The following ZNF875 variants were observed in gnomAD, a reference collection of about 807,000 sequenced individuals.
ZNF875 encodes HKR1, GLI-Kruppel zinc finger family member.
Under a neutral mutation model 11.2 loss-of-function variants are expected in ZNF875, and 14 were observed. That is an observed-to-expected ratio of 1.26 (90% CI 0.83 to 1.96). ZNF875 has a LOEUF of 1.96. ZNF875 is among the 30% of genes most tolerant of loss of function. ZNF875 has a pLI of 0.00. For synonymous variants in ZNF875, 301 were observed against 281.1 expected, an observed-to-expected ratio of 1.07 and a Z score of -0.71; for missense variants, 752 against 760.4, an observed-to-expected ratio of 0.99 and a Z score of 0.13.
chr19:37,319,969 C>T (rs1347441803), intron 1 of ZNF875, among the ~76,000 whole-genome samples: 1 of 152,200 alleles, frequency 6.6e-6, no homozygotes, highest in African/African-American at 2.4e-5. Flanking sequence ...TCACTGCAAG[C>T]TCCGCCTCCT....
At chr19:37,329,144 A>T (rs1045235) in intron 4 of ZNF875, 3 of 152,232 alleles carry the variant, frequency 2.0e-5, no homozygotes, top group Non-Finnish European at 2.9e-5. Flanking sequence ...TGACACACAC[A>T]TCTGCTCACT....
intron 2 of ZNF875, chr19:37,346,752 C>T (rs939912212): frequency 1.5e-5 from 3 of 194,086 alleles, no homozygotes; most frequent in East Asian, 1.7e-4. Flanking sequence ...GATGCTGGCT[C>T]GGCAGAGATA....
chr19:37,318,418 A>T (rs1433240464), intron 1 of ZNF875, among the ~76,000 whole-genome samples: 3 of 152,350 alleles, frequency 2.0e-5, no homozygotes, highest in African/African-American at 7.2e-5. Context: ...AAGGACAGCC[A>T]GTTAAAATGG....
chr19:37,347,393 C>T, intron 3 of ZNF875, 77 bp downstream of exon 3: 1 of 1,355,354 alleles, frequency 7.4e-7, no homozygotes, highest in Non-Finnish European at 1.0e-6. Context: ...GGGCTACCTG[C>T]AGAGCACCTT....
At chr19:37,330,693 C>A (rs2033233495), upstream of ZNF875, among the ~76,000 whole-genome samples, 1 of 152,154 alleles carries the variant, frequency 6.6e-6, no homozygotes, top group Non-Finnish European at 1.5e-5. Flanking sequence ...TAGTCTCATT[C>A]TGTAAGTCTT....
rs918522614 is a variant in ZNF875, at chr19:37,362,555, T to C, written c.703T>C (p.Phe235Leu). ...EIKYEEFGPG[F>L]IKESNLLSLQ... ...CAAATATGAAGAGTTTGGGCCAGGC[T>C]TTATCAAGGAGTCAAACCTCCTTAG... is the stretch of plus-strand genomic sequence containing the variant. Residue 235 changes from phenylalanine (F) to leucine (L), a missense_variant, in exon 5 of 5, where the codon TTT (phenylalanine) becomes CTT (leucine). Physicochemically the swap from Phe to Leu is conservative, Grantham distance 22. Coordinates refer to ENST00000392153, the MANE Select transcript of ZNF875 (RefSeq NM_001353803.2). 2.5e-6 allele frequency: 4 copies of C among 1,614,052 alleles called. No homozygotes were observed. In the Admixed American group the frequency reaches 6.7e-5, roughly 27 times the overall value.
intron 2 of ZNF875, among the ~76,000 whole-genome samples, chr19:37,336,951 T>G (rs1182267096): frequency 6.6e-6 from 1 of 152,112 alleles, no homozygotes; most frequent in Non-Finnish European, 1.5e-5. Flanking sequence ...AGATACAGAC[T>G]ATCTATTCAC....
In ZNF875 at chr19:37,335,883, G is replaced by C. The variant is rs143628456; in HGVS notation, c.33+626G>C. The stretch of plus-strand genomic sequence containing the variant: ...TTTGGTCTTTTCGGCTCCAAACATA[G>C]TCTGACCTGAATTTTACCTTTGAGT... On this transcript the variant is annotated intron_variant, in intron 2 of 4. Transcript: ENST00000392153. 8.7e-4 allele frequency among the ~76,000 whole-genome samples: 132 copies of C among 152,274 alleles called. 2 individuals carry two copies. In the East Asian group the frequency reaches 0.023, roughly 27 times the overall value.
intron 4 of ZNF875, among the ~76,000 whole-genome samples, chr19:37,352,418 AT>A (rs940956037): frequency 6.6e-6 from 1 of 151,590 alleles, no homozygotes; most frequent in African/African-American, 2.4e-5. Context: ...TTTTTTTCCT[AT>A]TTTTAGTAGA....
chr19:37,324,016 A>G (rs2031999062), intron 3 of ZNF875, among the ~76,000 whole-genome samples: 1 of 152,196 alleles, frequency 6.6e-6, no homozygotes. Context: ...TGGTGATTAG[A>G]GCCAATGATC....
At chr19:37,323,092 G>A (rs111268523) in intron 2 of ZNF875, among the ~76,000 whole-genome samples, 3,664 of 151,562 alleles carry the variant, frequency 0.024, 143 homozygotes, top group African/African-American at 0.084. Context: ...GTGTGGAGCC[G>A]GGGGGATTTT....
chr19:37,355,116 C>T (rs184925577), intron 4 of ZNF875, among the ~76,000 whole-genome samples: 10 of 152,260 alleles, frequency 6.6e-5, no homozygotes, highest in African/African-American at 2.4e-4. Flanking sequence ...CTTCCTTCCC[C>T]TTTCTCAGTA....
intron 2 of ZNF875, among the ~76,000 whole-genome samples, chr19:37,345,892 A>G (rs569318303): frequency 6.6e-5 from 10 of 152,324 alleles, no homozygotes; most frequent in Non-Finnish European, 1.5e-4. Flanking sequence ...GGACGGTTAT[A>G]TATTCCCATC....
chr19:37,340,844 G>A (rs557797389), intron 2 of ZNF875, among the ~76,000 whole-genome samples: 5 of 151,686 alleles, frequency 3.3e-5, no homozygotes, highest in Non-Finnish European at 5.9e-5. Flanking sequence ...GAGACGGGGT[G>A]TCACCTTGTC....
intron 4 of ZNF875, among the ~76,000 whole-genome samples, chr19:37,358,965 A>G (rs1482762321): frequency 6.6e-5 from 10 of 151,790 alleles, no homozygotes; most frequent in East Asian, 1.9e-4. Context: ...CAGTGGCACA[A>G]TCTCGGCTCA....
upstream of ZNF875, among the ~76,000 whole-genome samples, chr19:37,333,954 C>T (rs923161163): frequency 1.4e-4 from 22 of 152,226 alleles, no homozygotes; most frequent in African/African-American, 5.3e-4. Context: ...CAAGCCGCAC[C>T]TGTACCCCAG....
At chr19:37,320,954 G>T (rs1382499913) in intron 1 of ZNF875, among the ~76,000 whole-genome samples, 1 of 152,174 alleles carries the variant, frequency 6.6e-6, no homozygotes, top group Non-Finnish European at 1.5e-5. Context: ...TACTCTGTTG[G>T]CTCAAGGTTT....
Position 37,363,097 on chromosome 19 carries a change from A to G in ZNF875, c.1245A>G (p.Thr415=). 6.2e-7 allele frequency: 1 copy of G among 1,614,022 alleles called. No homozygotes were observed. Among genetic ancestry groups the G allele is most frequent in the Non-Finnish European group, 8.5e-7 (1 of 1,179,998 alleles). ...CACACCTCATCAGACACTTAAGGAC[A>G]CACACAGGAGAGAAGCCTTATGTAT... ...QKSHLIRHLR[T]HTGEKPYVCT... Residue 415 remains threonine (T), a synonymous_variant, in exon 5 of 5, where the codon ACA becomes ACG. Coordinates refer to ENST00000392153, the MANE Select transcript of ZNF875 (RefSeq NM_001353803.2).
intron 4 of ZNF875, among the ~76,000 whole-genome samples, chr19:37,351,681 T>C (rs188291879): frequency 6.6e-6 from 1 of 152,364 alleles, no homozygotes; most frequent in Admixed American, 6.5e-5. Context: ...ATTGGTTGTT[T>C]AGAAGTGAGC....
Sources: gnomAD v4.1 joint callset for allele counts (sites outside exome capture counted in the v4.1 genomes callset) on GRCh38, gnomAD v4.1.1 for gene constraint, MANE v1.5 for transcripts, NCBI Gene and HGNC (gene_info 2026-07-23, HGNC 2026-07-21) for gene names.